Variants in KIF26B observed in about 807,000 individuals in gnomAD.
The protein encoded by KIF26B is kinesin family member 26B, also known as kinesin-like protein KIF26B.
Under a neutral mutation model 151.2 loss-of-function variants are expected in KIF26B, and 63 were observed. The ratio of observed to expected loss-of-function variants is 0.42; its 90% confidence interval spans 0.34 to 0.51. KIF26B has a LOEUF of 0.51. KIF26B is among the 20% of genes least tolerant of loss of function. The probability of loss-of-function intolerance (pLI) is 0.07; values close to 1 mark genes in which losing one functional copy is unlikely to be tolerated. For synonymous variants in KIF26B, 1,357 were observed against 1,262.1 expected (o/e 1.08, Z -1.59); for missense variants, 2,813 against 2,913.6 (o/e 0.97, Z 0.79).
At chr1:245,494,402 C>T (rs1660470060) in intron 4 of KIF26B, among the ~76,000 whole-genome samples, 1 of 152,128 alleles carries the variant, frequency 6.6e-6, no homozygotes, top group Non-Finnish European at 1.5e-5. Context: ...AGAATCATAA[C>T]CTAAAAATAG....
rs148269628 is a variant in KIF26B at position 245,378,507 on chromosome 1, T to C, written c.999+11140T>C. Among the ~76,000 whole-genome samples the C allele has an allele frequency of 3.5e-3, 536 of 152,256 alleles. 2 individuals carry two copies. The highest frequency in any genetic ancestry group is 6.4e-3 in the Non-Finnish European group (433 of 68,004). ...ATGTAGATGCTTTTCACAGTCGTCTTGTGTGTTAGAGGTCTGCCCACATCC... is the reference window on the plus strand; with the variant it reads ...ATGTAGATGCTTTTCACAGTCGTCTCGTGTGTTAGAGGTCTGCCCACATCC... On this transcript the variant is annotated intron_variant, in intron 3 of 14. Coordinates refer to ENST00000407071, the MANE Select transcript of KIF26B (RefSeq NM_018012.4).
intron 5 of KIF26B, among the ~76,000 whole-genome samples, chr1:245,544,457 C>T (rs1661693520): frequency 6.6e-6 from 1 of 152,074 alleles, no homozygotes; most frequent in Admixed American, 6.5e-5. Flanking sequence ...CCTCAGCCAC[C>T]CACCACCTCC....
At chr1:245,314,176 G>A (rs1377516024) in intron 2 of KIF26B, among the ~76,000 whole-genome samples, 1 of 152,106 alleles carries the variant, frequency 6.6e-6, no homozygotes, top group Non-Finnish European at 1.5e-5. Context: ...GGCGGGGGGC[G>A]GTGACTCACA....
chr1:245,184,142 G>A (rs1021821503), intron 2 of KIF26B, among the ~76,000 whole-genome samples: 2 of 144,670 alleles, frequency 1.4e-5, no homozygotes, highest in African/African-American at 2.6e-5. Context: ...GGAAAGTGGG[G>A]GGAAGTGAGA....
chr1:245,319,795 CTG>C (rs1351612485), intron 2 of KIF26B, among the ~76,000 whole-genome samples: 2 of 152,152 alleles, frequency 1.3e-5, no homozygotes, highest in African/African-American at 2.4e-5. Context: ...GAAGAAGAGA[CTG>C]TGCATGACAG....
intron 2 of KIF26B, among the ~76,000 whole-genome samples, chr1:245,180,836 T>C (rs913506255): frequency 6.6e-5 from 10 of 152,146 alleles, no homozygotes; most frequent in African/African-American, 2.2e-4. Context: ...AGGATTCTTT[T>C]TGTTTTTTTC....
In KIF26B at chr1:245,646,175, C is replaced by T. The variant is rs765111258; in HGVS notation, c.2153C>T (p.Ala718Val). The T allele has an allele frequency of 2.8e-5, 45 of 1,613,870 alleles. No individual in the cohort carries two copies. In the South Asian group the frequency reaches 4.2e-4, roughly 15 times the overall value. ...ATTGATCTCGGCAGCTGTGTGAAAG[C>T]TCTTAGCAAAAATCGAGAAGGAGGC... is the stretch of plus-strand genomic sequence containing the variant. ...HLIDLGSCVK[A>V]LSKNREGGSG... is the part of the protein sequence containing the mutation. Residue 718 changes from alanine to valine, a missense_variant, in exon 10 of 15, where the codon GCT becomes GTT. Physicochemically the swap from Ala to Val is moderately conservative, Grantham distance 64. This residue lies in a region of KIF26B where 2,060 missense variants were observed against 2,088.6 expected (regional missense o/e 0.99). Coordinates refer to ENST00000407071, the MANE Select transcript of KIF26B (RefSeq NM_018012.4).
intron 6 of KIF26B, among the ~76,000 whole-genome samples, chr1:245,605,380 C>T (rs904215712): frequency 6.6e-6 from 1 of 152,194 alleles, no homozygotes; most frequent in African/African-American, 2.4e-5. Flanking sequence ...CCTGTGCTCT[C>T]CAGTCCTCAT....
intron 2 of KIF26B, among the ~76,000 whole-genome samples, chr1:245,184,233 C>CCCTT (rs2103529326): frequency 6.6e-6 from 1 of 151,328 alleles, no homozygotes; most frequent in African/African-American, 2.4e-5. Context: ...GTAGGATATT[C>CCCTT]CCTTTTGGGG....
chr1:245,251,333 C>T (rs921617820), intron 2 of KIF26B, among the ~76,000 whole-genome samples: 1 of 152,204 alleles, frequency 6.6e-6, no homozygotes, highest in Non-Finnish European at 1.5e-5. Flanking sequence ...GTCAACCTTG[C>T]AGGCAGGTCT....
At chr1:245,519,987 G>T (rs1661053787) in intron 4 of KIF26B, among the ~76,000 whole-genome samples, 1 of 152,054 alleles carries the variant, frequency 6.6e-6, no homozygotes, top group Non-Finnish European at 1.5e-5. Flanking sequence ...AGCCTAATAA[G>T]AACATATTGT....
At chr1:245,273,630 TG>T (rs1174065508) in intron 2 of KIF26B, among the ~76,000 whole-genome samples, 16 of 152,178 alleles carry the variant, frequency 1.1e-4, no homozygotes, top group Admixed American at 7.9e-4. Flanking sequence ...TCTGGTTTCT[TG>T]TGGCAGTTTT....
chr1:245,289,676 A>G (rs1170984211), intron 2 of KIF26B, among the ~76,000 whole-genome samples: 7 of 136,598 alleles, frequency 5.1e-5, no homozygotes, highest in East Asian at 2.2e-4. Flanking sequence ...GGTGTGTTCA[A>G]TTGAAACTTT....
intron 2 of KIF26B, among the ~76,000 whole-genome samples, chr1:245,179,200 T>C (rs1052928901): frequency 3.3e-5 from 5 of 152,210 alleles, no homozygotes; most frequent in African/African-American, 1.2e-4. Flanking sequence ...CGTTTGAAAT[T>C]CTCCAGAGAA....
At chr1:245,387,660 C>T (rs1019443863) in intron 3 of KIF26B, among the ~76,000 whole-genome samples, 1 of 152,124 alleles carries the variant, frequency 6.6e-6, no homozygotes, top group African/African-American at 2.4e-5. Flanking sequence ...CCACTGCCCT[C>T]CAGCCTAAAC....
At chr1:245,159,622 C>T (rs1293050442) in intron 2 of KIF26B, among the ~76,000 whole-genome samples, 1 of 152,202 alleles carries the variant, frequency 6.6e-6, no homozygotes, top group Non-Finnish European at 1.5e-5. Flanking sequence ...GATATTACTC[C>T]TGTCAGTTTC....
intron 5 of KIF26B, among the ~76,000 whole-genome samples, chr1:245,589,903 T>A (rs112255668): frequency 1.3e-5 from 2 of 152,212 alleles, no homozygotes; most frequent in African/African-American, 4.8e-5. Flanking sequence ...AGTTTTCATA[T>A]TGATCATGCA....
intron 2 of KIF26B, among the ~76,000 whole-genome samples, chr1:245,280,447 C>T (rs1363417016): frequency 4.2e-5 from 6 of 143,164 alleles, no homozygotes; most frequent in Non-Finnish European, 6.0e-5. Flanking sequence ...AGGAGAATGG[C>T]GTGAACCTGG....
chr1:245,275,969 G>A (rs1296112967), intron 2 of KIF26B, among the ~76,000 whole-genome samples: 1 of 152,138 alleles, frequency 6.6e-6, no homozygotes, highest in Admixed American at 6.5e-5. Flanking sequence ...TGCATGCAAG[G>A]TTTATGCTGT....
Sources: gnomAD v4.1 joint callset for allele counts (sites outside exome capture counted in the v4.1 genomes callset) on GRCh38, gnomAD v4.1.1 for gene constraint, gnomAD v4.1.1 regional missense constraint, MANE v1.5 for transcripts, NCBI Gene and HGNC (gene_info 2026-07-23, HGNC 2026-07-21) for gene names.